Variants in ICE2 observed in about 807,000 individuals in gnomAD.
ICE2 encodes the protein interactor of little elongation complex ELL subunit 2, also known as little elongation complex subunit 2.
In ICE2, 87 loss-of-function variants were observed where a neutral mutation model predicts 105.4. That is an observed-to-expected ratio of 0.83 (90% CI 0.69 to 0.99). The LOEUF (loss-of-function observed/expected upper bound fraction) is 0.99. Among genes scored for constraint, ICE2 ranks in the 50% least tolerant of loss-of-function variants. ICE2 has a pLI of 0.00. For missense variants in ICE2, 1,323 were observed against 1,146.7 expected (o/e 1.15, Z -2.22); for synonymous variants, 399 against 392.0 (o/e 1.02, Z -0.21).
chr15:60,428,432 TTGTTG>T lies in ICE2; in HGVS notation c.2812_2816del (p.Gln938LysfsTer31), dbSNP rs1485594571. 2 of 1,610,636 alleles carry T rather than the reference TTGTTG, an allele frequency of 1.2e-6. No individual in the cohort carries two copies. Among genetic ancestry groups the T allele is most frequent in the Non-Finnish European group, 1.7e-6 (2 of 1,177,666 alleles). On this transcript the variant is annotated frameshift_variant, in exon 15 of 16. Coordinates refer to ENST00000261520, the MANE Select transcript of ICE2 (RefSeq NM_024611.6). LOFTEE classifies it high-confidence loss of function. ...TTAATTTCAAAAAAGATCTTACCTT[TTGTTG>T]TGTTGTGGTATCCAGTGATTTCGGT... is the stretch of plus-strand genomic sequence containing the variant.
At chr15:60,446,621 T>C (rs1179116860) in intron 11 of ICE2, among the ~76,000 whole-genome samples, 2 of 152,142 alleles carry the variant, frequency 1.3e-5, no homozygotes, top group African/African-American at 4.8e-5. Flanking sequence ...GGTCTCAATC[T>C]CCTGACCTCG....
At chr15:60,435,006 G>A (rs559316237) in intron 13 of ICE2, among the ~76,000 whole-genome samples, 276 of 152,200 alleles carry the variant, frequency 1.8e-3, no homozygotes, top group Middle Eastern at 3.4e-3. Context: ...TGTAGGAGCC[G>A]GGTGCAGTGG....
At chr15:60,452,188 C>T (rs758607910) in intron 9 of ICE2, 1 of 955,470 alleles carries the variant, frequency 1.0e-6, no homozygotes, top group African/African-American at 1.8e-5. Flanking sequence ...GTTAAAAATG[C>T]TTTATGACAT....
intron 15 of ICE2, among the ~76,000 whole-genome samples, chr15:60,426,220 T>A (rs2063335317): frequency 6.6e-6 from 1 of 152,214 alleles, no homozygotes; most frequent in Non-Finnish European, 1.5e-5. Flanking sequence ...AAGATTATAA[T>A]GGAGCTGAAA....
intron 1 of ICE2, among the ~76,000 whole-genome samples, 195 bp from the exon 2 acceptor site, chr15:60,478,264 C>T (rs1051592703): frequency 1.3e-5 from 2 of 152,196 alleles, no homozygotes; most frequent in African/African-American, 4.8e-5. Flanking sequence ...ATTTAATCTA[C>T]GCCGGGAGTG....
chr15:60,427,487 C>G (rs1476070068), intron 15 of ICE2, among the ~76,000 whole-genome samples: 1 of 152,148 alleles, frequency 6.6e-6, no homozygotes, highest in African/African-American at 2.4e-5. Context: ...GTAGAGTGAT[C>G]TTGGGTCACT....
chr15:60,471,423 C>G (rs1447788995), intron 3 of ICE2, among the ~76,000 whole-genome samples: 1 of 152,204 alleles, frequency 6.6e-6, no homozygotes, highest in Non-Finnish European at 1.5e-5. Flanking sequence ...TCACTCTTAA[C>G]AGTACTGCTT....
intron 2 of ICE2, among the ~76,000 whole-genome samples, chr15:60,477,350 C>G (rs1354172199): frequency 6.6e-6 from 1 of 152,138 alleles, no homozygotes; most frequent in African/African-American, 2.4e-5. Context: ...TAGTCTGAGT[C>G]AGGTACTATT....
At chr15:60,425,180 A>AT (rs149743941) in intron 15 of ICE2, among the ~76,000 whole-genome samples, 60 of 151,406 alleles carry the variant, frequency 4.0e-4, no homozygotes, top group African/African-American at 1.1e-3. Flanking sequence ...TTTAAAAAGC[A>AT]TTTTTTTTTA....
chr15:60,472,477 A>G (rs1316353049), intron 3 of ICE2, among the ~76,000 whole-genome samples: 1 of 152,214 alleles, frequency 6.6e-6, no homozygotes, highest in African/African-American at 2.4e-5. Context: ...GAAACATCAT[A>G]TCAATAACTT....
chr15:60,461,906 G>A (rs1414482385), intron 5 of ICE2, among the ~76,000 whole-genome samples: 1 of 152,146 alleles, frequency 6.6e-6, no homozygotes, highest in Non-Finnish European at 1.5e-5. Context: ...CAGACTGACT[G>A]AAAAGCCAGT....
At chr15:60,478,805 C>G (rs770021610) in intron 1 of ICE2, 198 bp downstream of exon 1, 1 of 371,124 alleles carries the variant, frequency 2.7e-6, no homozygotes, top group Non-Finnish European at 5.5e-6. Flanking sequence ...AAAGGGGACG[C>G]AAAGAGAGGG....
chr15:60,467,476 T>C (rs1024628267), intron 4 of ICE2, among the ~76,000 whole-genome samples: 5 of 152,214 alleles, frequency 3.3e-5, no homozygotes, highest in South Asian at 4.1e-4. Context: ...TTAGTGAAGA[T>C]AGTTTTTTCT....
At chr15:60,431,276 A>G (rs1051428203) in intron 14 of ICE2, among the ~76,000 whole-genome samples, 1 of 152,078 alleles carries the variant, frequency 6.6e-6, no homozygotes, top group African/African-American at 2.4e-5. Context: ...TAATCACCAG[A>G]ACCTGTGACT....
Position 60,449,447 on chromosome 15 carries a change from T to A in ICE2, c.1520A>T (p.Asp507Val). Residue 507 changes from aspartate to valine, a missense_variant, in exon 10 of 16, where the codon GAC becomes GTC. Coordinates refer to ENST00000261520, the MANE Select transcript of ICE2 (RefSeq NM_024611.6). Reference protein sequence around the residue: ...NSDKPLIQDSDLKTSDALQLE... With the variant: ...NSDKPLIQDSVLKTSDALQLE... ...CTGTAAGGCATCAGATGTTTTCAAG[T>A]CACTATCTTGTATCAAAGGCTTGTC... The A allele has an allele frequency of 5.0e-6, 8 of 1,614,112 alleles. No homozygotes were observed. Among genetic ancestry groups the A allele is most frequent in the Non-Finnish European group, 6.8e-6 (8 of 1,180,020 alleles).
At chr15:60,475,077 G>A (rs2141173824) in intron 3 of ICE2, among the ~76,000 whole-genome samples, 1 of 152,324 alleles carries the variant, frequency 6.6e-6, no homozygotes, top group African/African-American at 2.4e-5. Flanking sequence ...AAAAGATGGG[G>A]AGATACGTTT....
chr15:60,467,919 A>G (rs2064475022), intron 4 of ICE2, 142 bp downstream of exon 4: 1 of 699,274 alleles, frequency 1.4e-6, no homozygotes, highest in East Asian at 2.9e-5. Context: ...AAAAGAATTA[A>G]AGCACCATTG....
At position 60,448,836 on chromosome 15, in the gene ICE2, A is replaced by T. The variant is rs200616996; in HGVS notation, c.2119+12T>A. 23 of 1,561,432 alleles carry T rather than the reference A, an allele frequency of 1.5e-5. No homozygotes were observed. The highest frequency in any genetic ancestry group is 1.9e-5 in the Non-Finnish European group (22 of 1,160,098). On this transcript the variant is annotated intron_variant, in intron 10 of 15. Transcript: ENST00000261520. Reference sequence around the variant, plus strand: ...GTAAAACACTGTAAGCTCTTTGTAAATATTTACTTACGTCCTTTTGGCTTC... The same window carrying T: ...GTAAAACACTGTAAGCTCTTTGTAATTATTTACTTACGTCCTTTTGGCTTC...
intron 2 of ICE2, among the ~76,000 whole-genome samples, 159 bp from the exon 3 acceptor site, chr15:60,476,326 G>A (rs2064761389): frequency 6.6e-6 from 1 of 152,126 alleles, no homozygotes; most frequent in Non-Finnish European, 1.5e-5. Context: ...TACCAGATCT[G>A]TGGGCTTAGA....
Sources: allele counts gnomAD v4.1 joint callset (sites outside exome capture counted in the v4.1 genomes callset), GRCh38; gene constraint gnomAD v4.1.1; transcripts MANE v1.5; gene names NCBI Gene and HGNC (gene_info 2026-07-23, HGNC 2026-07-21).